The following WDR19 variants were observed in gnomAD, a reference collection of about 807,000 sequenced individuals.
WDR19 encodes WD repeat-containing protein 19.
WDR19 carries 121 observed loss-of-function variants against 180.0 expected under a neutral mutation model. That is an observed-to-expected ratio of 0.67 (90% CI 0.58 to 0.78). The LOEUF is 0.78. WDR19 is among the 30% of genes least tolerant of loss of function. The pLI is 0.00. For missense variants in WDR19, 1,450 were observed against 1,640.7 expected, an observed-to-expected ratio of 0.88 and a Z score of 2.01; for synonymous variants, 497 against 540.7, an observed-to-expected ratio of 0.92 and a Z score of 1.12.
At chr4:39,260,771 A>T (rs557512583) in intron 28 of WDR19, among the ~76,000 whole-genome samples, 2 of 152,298 alleles carry the variant, frequency 1.3e-5, no homozygotes, top group African/African-American at 4.8e-5. Context: ...TCTCTTCCTG[A>T]CTTGCAGACA....
chr4:39,217,965 T>A lies in WDR19; in HGVS notation c.1357-18T>A. On this transcript the variant is annotated intron_variant, in intron 13 of 36. Transcript: ENST00000399820. ...ACTCAAATAAATCTGTGAGCCATTATTATTCTTTACGTTTTAGATAGAAAG... is the reference window on the plus strand; with the variant it reads ...ACTCAAATAAATCTGTGAGCCATTAATATTCTTTACGTTTTAGATAGAAAG... 6.2e-7 allele frequency: 1 copy of A among 1,613,056 alleles called. No individual in the cohort carries two copies. Among genetic ancestry groups the A allele is most frequent in the Non-Finnish European group, 8.5e-7 (1 of 1,179,526 alleles).
At chr4:39,197,503 T>C (rs1726888393) in intron 5 of WDR19, among the ~76,000 whole-genome samples, 1 of 151,730 alleles carries the variant, frequency 6.6e-6, no homozygotes. Flanking sequence ...CAGTAGGTAG[T>C]GGAGCTAAGA....
chr4:39,214,924 C>T (rs1002185214), intron 10 of WDR19, among the ~76,000 whole-genome samples: 8 of 152,094 alleles, frequency 5.3e-5, no homozygotes, highest in Admixed American at 6.5e-5. Context: ...AGGCACGTGC[C>T]ACCACGCCCA....
chr4:39,240,345 A>C lies in WDR19; in HGVS notation c.2421+11A>C. 7.1e-7 allele frequency: 1 copy of C among 1,418,422 alleles called. No homozygotes were observed. The allele number at this position is 1,418,422 out of a possible 1,614,324, so 87.9% of individuals were successfully genotyped here. On this transcript the variant is annotated intron_variant, in intron 21 of 36. Coordinates refer to ENST00000399820, the MANE Select transcript of WDR19 (RefSeq NM_025132.4). ...ACAGGTGATAATAAGGTAACCTTGGATAAAGATAAGATATGCCTAATTATG... is the reference window on the plus strand; with the variant it reads ...ACAGGTGATAATAAGGTAACCTTGGCTAAAGATAAGATATGCCTAATTATG...
chr4:39,185,852 C>T (rs2109741085), intron 2 of WDR19, 35 bp downstream of exon 2: 1 of 1,496,350 alleles, frequency 6.7e-7, no homozygotes, highest in Non-Finnish European at 9.1e-7. Context: ...GCAGTGGTTG[C>T]ATGCCCATGT....
In WDR19 at chr4:39,238,056, T is replaced by G. The variant is rs1242413196; in HGVS notation, c.2364-2221T>G. ...CACTTGACCATGAAGCCACCGATTC[T>G]CAAAGCTTTCACTGATATTTGTATG... On this transcript the variant is annotated intron_variant, in intron 20 of 36. Coordinates refer to ENST00000399820, the MANE Select transcript of WDR19 (RefSeq NM_025132.4). The G allele has an allele frequency of 3.3e-5, 5 of 152,362 alleles. No individual in the cohort carries two copies. The East Asian group carries it at 9.6e-4, about 29-fold the overall frequency. 9.4% of individuals were successfully genotyped at this position (152,362 alleles called of 1,614,324 possible). A position where few individuals can be genotyped will look rare whatever the true frequency, so the allele number is the denominator to read the frequency against.
chr4:39,183,691 G>A (rs1725215025), intron 1 of WDR19, among the ~76,000 whole-genome samples: 1 of 152,176 alleles, frequency 6.6e-6, no homozygotes, highest in African/African-American at 2.4e-5. Flanking sequence ...TATTAGAAGT[G>A]AAGAGTTATT....
At chr4:39,254,153 T>G (rs1344273537) in intron 26 of WDR19, 123 bp downstream of exon 26, 8 of 932,314 alleles carry the variant, frequency 8.6e-6, no homozygotes, top group Non-Finnish European at 1.2e-5. Flanking sequence ...TGTTTACCAT[T>G]TATACATAGA....
At chr4:39,273,594 G>A (rs1385969752) in intron 32 of WDR19, 1 of 152,654 alleles carries the variant, frequency 6.6e-6, no homozygotes, top group African/African-American at 2.4e-5. Flanking sequence ...AAGATTTTAG[G>A]CACGGTGAGC....
At position 39,266,066 on chromosome 4, in the gene WDR19, G is replaced by A; in HGVS notation, c.3187G>A (p.Gly1063Ser). 6.4e-7 allele frequency: 1 copy of A among 1,554,042 alleles called. No homozygotes were observed. Among genetic ancestry groups the A allele is most frequent in the Non-Finnish European group, 8.7e-7 (1 of 1,148,328 alleles). ...VAIEMAIETV[G>S]QAKDELLTNQ... The stretch of plus-strand genomic sequence containing the variant: ...GTTTTTCTCTCTTATTAAACAGGTT[G>A]GTCAGGCCAAAGATGAACTGCTGAC... Residue 1063 changes from glycine (G) to serine (S), a missense_variant, in exon 29 of 37, where the codon GGT becomes AGT. Coordinates refer to ENST00000399820, the MANE Select transcript of WDR19 (RefSeq NM_025132.4).
At chr4:39,250,471 A>G (rs974130040) in intron 24 of WDR19, among the ~76,000 whole-genome samples, 12 of 151,966 alleles carry the variant, frequency 7.9e-5, no homozygotes, top group Admixed American at 7.2e-4. Flanking sequence ...CTCTCTCACC[A>G]CTCCTATTCA....
chr4:39,217,089 G>A, intron 12 of WDR19, 45 bp from the exon 13 acceptor site: 1 of 1,406,916 alleles, frequency 7.1e-7, no homozygotes, highest in Middle Eastern at 1.9e-4. Context: ...GTATGAGATA[G>A]TTTTACCAAC....
chr4:39,186,242 G>T (rs1157161560), intron 2 of WDR19, among the ~76,000 whole-genome samples: 1 of 152,024 alleles, frequency 6.6e-6, no homozygotes, highest in East Asian at 1.9e-4. Context: ...CACTTTGGGA[G>T]GCCAAGGCAG....
chr4:39,264,978 C>T (rs190271270), intron 28 of WDR19, among the ~76,000 whole-genome samples: 10 of 149,416 alleles, frequency 6.7e-5, no homozygotes, highest in South Asian at 2.1e-4. Flanking sequence ...AGTGCAGGGA[C>T]GGGATGTCGG....
intron 27 of WDR19, 131 bp downstream of exon 27, chr4:39,256,091 A>C (rs2109447547): frequency 2.3e-6 from 1 of 444,174 alleles, no homozygotes; most frequent in Non-Finnish European, 3.9e-6. Context: ...GAAATCTCAG[A>C]GCTAACTCTG....
rs1475382652 is a variant in WDR19, at chr4:39,285,773, G to C, written c.*300G>C. On this transcript the variant is annotated 3_prime_UTR_variant, in exon 37 of 37. Transcript: ENST00000399820. ...AATATTCAGCTTTTTGCTAACTTTT[G>C]TATTTTGAAAAACTTTAAAATAAAA... The C allele has an allele frequency of 1.3e-5, 2 of 152,090 alleles. No individual in the cohort carries two copies. The highest frequency in any genetic ancestry group is 4.8e-5 in the African/African-American group (2 of 41,412). The allele number at this position is 152,090 out of a possible 1,614,324, so 9.4% of individuals were successfully genotyped here.
intron 28 of WDR19, among the ~76,000 whole-genome samples, chr4:39,260,433 G>A (rs1383485695): frequency 6.7e-6 from 1 of 150,336 alleles, no homozygotes; most frequent in Non-Finnish European, 1.5e-5. Context: ...TGCCTCCTGG[G>A]TTCAAGTGAT....
intron 1 of WDR19, among the ~76,000 whole-genome samples, chr4:39,185,027 A>G (rs35185201): frequency 0.058 from 8,834 of 152,292 alleles, 372 homozygotes; most frequent in Middle Eastern, 0.11. Context: ...TAACAACGAG[A>G]TAGTTTACAT....
At chr4:39,195,375 A>AAAC (rs1307191838) in intron 5 of WDR19, among the ~76,000 whole-genome samples, 13 of 131,604 alleles carry the variant, frequency 9.9e-5, no homozygotes, top group South Asian at 2.4e-4. Flanking sequence ...TCAAAAAAAA[A>AAAC]AAACAAAAAA....
Sources: gnomAD v4.1 joint callset for allele counts (sites outside exome capture counted in the v4.1 genomes callset) on GRCh38, gnomAD v4.1.1 for gene constraint, MANE v1.5 for transcripts, NCBI Gene and HGNC (gene_info 2026-07-23, HGNC 2026-07-21) for gene names.